The following DYNC2I1 variants were observed in gnomAD, a reference collection of about 807,000 sequenced individuals.
DYNC2I1 encodes the protein dynein 2 intermediate chain 1, also known as cytoplasmic dynein 2 intermediate chain 1.
Under a neutral mutation model 133.4 loss-of-function variants are expected in DYNC2I1, and 89 were observed. The ratio of observed to expected loss-of-function variants is 0.67; its 90% CI spans 0.56 to 0.80. The LOEUF is 0.80. Ranked by LOEUF, DYNC2I1 falls within the 30% of genes least tolerant of loss-of-function variation. DYNC2I1 has a pLI of 0.00. For missense variants in DYNC2I1, 1,291 were observed against 1,314.5 expected, an observed-to-expected ratio of 0.98 and a Z score of 0.28; for synonymous variants, 504 against 484.3, an observed-to-expected ratio of 1.04 and a Z score of -0.54.
intron 1 of DYNC2I1, among the ~76,000 whole-genome samples, chr7:158,865,598 G>T (rs937144287): frequency 6.6e-6 from 1 of 152,146 alleles, no homozygotes; most frequent in African/African-American, 2.4e-5. Flanking sequence ...TGCGTGGGCT[G>T]AATCATGCTG....
chr7:158,915,540 C>CACGGTGGTTGAGATTAAGG (rs1848049346), intron 14 of DYNC2I1, among the ~76,000 whole-genome samples: 1 of 150,544 alleles, frequency 6.6e-6, no homozygotes, highest in African/African-American at 2.5e-5. Context: ...GAAACCTCGA[C>CACGGTGGTTGAGATTAAGG]ACGGTGGTTG....
intron 11 of DYNC2I1, among the ~76,000 whole-genome samples, chr7:158,909,285 C>T (rs1287753868): frequency 5.0e-5 from 7 of 139,598 alleles, no homozygotes; most frequent in East Asian, 2.2e-4. Context: ...GAGCTGAGAT[C>T]GCACCACTGC....
Position 158,896,575 on chromosome 7 carries a change from A to G in DYNC2I1, c.1060-5164A>G, listed in dbSNP as rs114849184. On this transcript the variant is annotated intron_variant, in intron 8 of 24. Transcript: ENST00000407559. ...TAGCCTCAACCTGTCATGCTCAAGC[A>G]ATCTTAACCACCTTAGCCTCCTGAG... Among the ~76,000 whole-genome samples the G allele has an allele frequency of 2.9e-3, 442 of 152,250 alleles. 3 individuals are homozygous for G. Among genetic ancestry groups the G allele is most frequent in the African/African-American group, 0.01 (423 of 41,550 alleles).
intron 12 of DYNC2I1, among the ~76,000 whole-genome samples, chr7:158,912,462 ATTTTTTTT>A (rs1233915581): frequency 3.3e-5 from 5 of 152,052 alleles, no homozygotes; most frequent in Admixed American, 3.3e-4. Context: ...AAATTTTTAA[ATTTTTTTT>A]AAGAGACAGG....
rs752844939 is a variant in DYNC2I1 at position 158,945,582 on chromosome 7, C to G, written c.3004C>G (p.Leu1002Val). Residue 1002 changes from leucine to valine, a missense_variant and splice_region_variant, in exon 25 of 25, where the codon CTG becomes GTG. By Grantham distance (32) the Leu-to-Val change is conservative. Coordinates refer to ENST00000407559, the MANE Select transcript of DYNC2I1 (RefSeq NM_018051.5). This position sits in a 1 kb window ranked among gnomAD's most constrained non-coding sequence, Gnocchi z 4.1. ...VAKQQVSPNR[L>V]VAMAAVGEPE... Reference sequence around the variant, plus strand: ...CTGCTTCTGCCCCTCTCCCTGCAGGCTGGTGGCCATGGCTGCGGTGGGTGA... The same window carrying G: ...CTGCTTCTGCCCCTCTCCCTGCAGGGTGGTGGCCATGGCTGCGGTGGGTGA... 6.2e-7 allele frequency: 1 copy of G among 1,603,048 alleles called. No individual in the cohort carries two copies. The highest frequency in any genetic ancestry group is 8.5e-7 in the Non-Finnish European group (1 of 1,175,532).
intron 20 of DYNC2I1, 130 bp downstream of exon 20, chr7:158,927,173 A>G: frequency 1.6e-6 from 1 of 632,732 alleles, no homozygotes; most frequent in South Asian, 2.0e-5. Context: ...AGGCTGAGGA[A>G]GGAGGATTGC....
At chr7:158,867,917 G>A (rs530858205) in intron 1 of DYNC2I1, among the ~76,000 whole-genome samples, 1 of 152,236 alleles carries the variant, frequency 6.6e-6, no homozygotes, top group African/African-American at 2.4e-5. Flanking sequence ...CAGGGCGGGC[G>A]GCTTGAGCTG....
the DYNC2I1 span, among the ~76,000 whole-genome samples, chr7:158,850,379 G>C: frequency 2.0e-5 from 3 of 152,198 alleles, no homozygotes; most frequent in Non-Finnish European, 4.4e-5. Context: ...CAAAAGCACA[G>C]GGAGGCAAAG....
At chr7:158,866,130 T>C (rs1195039335) in intron 1 of DYNC2I1, among the ~76,000 whole-genome samples, 1 of 152,064 alleles carries the variant, frequency 6.6e-6, no homozygotes, top group Non-Finnish European at 1.5e-5. Flanking sequence ...ACTGGATGGG[T>C]TTTGTGACAT....
At chr7:158,869,522 C>G (rs1269653601) in intron 1 of DYNC2I1, 1 of 484,334 alleles carries the variant, frequency 2.1e-6, no homozygotes, top group East Asian at 6.6e-5. Flanking sequence ...TTGGAAAATA[C>G]AGTCTGACAC....
chr7:158,878,716 G>A (rs1843657691), intron 4 of DYNC2I1, among the ~76,000 whole-genome samples: 1 of 146,636 alleles, frequency 6.8e-6, no homozygotes, highest in East Asian at 2.1e-4. Flanking sequence ...ATGTGGGGAG[G>A]CGAGGAGGGC....
chr7:158,840,686 G>T, the DYNC2I1 span, among the ~76,000 whole-genome samples: 1 of 152,246 alleles, frequency 6.6e-6, no homozygotes, highest in East Asian at 1.9e-4. Flanking sequence ...GGATCTGGGA[G>T]AATATTTACA....
intron 17 of DYNC2I1, among the ~76,000 whole-genome samples, chr7:158,925,927 T>TA (rs1849568394): frequency 1.3e-5 from 2 of 152,336 alleles, no homozygotes; most frequent in African/African-American, 2.4e-5. Context: ...TGGTGGGCTT[T>TA]AGCTTTCTTC....
chr7:158,956,627 G>A (rs1228839079), exon 5 of DYNC2I1: 1 of 152,296 alleles, frequency 6.6e-6, no homozygotes, highest in East Asian at 1.9e-4. Context: ...AGGCGACAGG[G>A]CTTGGAGCCG....
intron 24 of DYNC2I1, 49 bp downstream of exon 24, chr7:158,942,197 C>G (rs1233282828): frequency 7.1e-7 from 1 of 1,408,980 alleles, no homozygotes; most frequent in East Asian, 2.4e-5. Flanking sequence ...GGGGCTTCGG[C>G]CACGGGTGCC....
intron 10 of DYNC2I1, chr7:158,904,898 G>A (rs1030057571): frequency 1.1e-5 from 3 of 275,294 alleles, no homozygotes; most frequent in African/African-American, 2.3e-5. Context: ...ATGAGATAAT[G>A]TGTGGGAAAG....
rs1842873049 is a variant in DYNC2I1 at position 158,871,520 on chromosome 7, G to A, written c.448G>A (p.Asp150Asn). Reference sequence around the variant, plus strand: ...CAACCTGCTGGGCCAGGAGACACGCGACCGGCAGCTCCTGGAGCGGGCGGA... The same window carrying A: ...CAACCTGCTGGGCCAGGAGACACGCAACCGGCAGCTCCTGGAGCGGGCGGA... ...HHNLLGQETR[D>N]RQLLERAERK... Residue 150 changes from aspartate (D) to asparagine (N), a missense_variant, in exon 3 of 25, where the codon GAC becomes AAC. Transcript: ENST00000407559. 3.2e-6 allele frequency: 5 copies of A among 1,545,076 alleles called. No individual in the cohort carries two copies. Among genetic ancestry groups the A allele is most frequent in the East Asian group, 2.4e-5 (1 of 40,930 alleles).
chr7:158,847,218 C>G, the DYNC2I1 span, among the ~76,000 whole-genome samples: 1 of 151,880 alleles, frequency 6.6e-6, no homozygotes, highest in East Asian at 1.9e-4. Flanking sequence ...GTTTTTTTCA[C>G]TTGGAATTTG....
chr7:158,901,292 C>T (rs567025403), intron 8 of DYNC2I1, among the ~76,000 whole-genome samples: 7 of 152,236 alleles, frequency 4.6e-5, no homozygotes, highest in Non-Finnish European at 7.4e-5. Context: ...CGCTGGTCTT[C>T]AGCTCCTGAG....
Sources: gnomAD v4.1 joint callset for allele counts (sites outside exome capture counted in the v4.1 genomes callset) on GRCh38, gnomAD v4.1.1 for gene constraint, Gnocchi (gnomAD v3.1) non-coding constraint, MANE v1.5 for transcripts, NCBI Gene and HGNC (gene_info 2026-07-23, HGNC 2026-07-21) for gene names.